The following GRID2 variants were observed in gnomAD, a reference collection of about 807,000 sequenced individuals.
The protein encoded by GRID2 is glutamate receptor ionotropic, delta-2.
GRID2 carries 33 observed loss-of-function variants against 114.8 expected under a neutral mutation model. The ratio of observed to expected loss-of-function variants is 0.29; its 90% CI spans 0.22 to 0.38. The LOEUF (loss-of-function observed/expected upper bound fraction) is 0.38, where lower values mean the gene tolerates loss of function less well. GRID2 is among the 10% of genes least tolerant of loss of function. GRID2 has a pLI of 1.00. For missense variants in GRID2, 1,184 were observed against 1,257.7 expected, an observed-to-expected ratio of 0.94 and a Z score of 0.89; for synonymous variants, 505 against 449.9, an observed-to-expected ratio of 1.12 and a Z score of -1.55.
At chr4:93,365,966 A>G (rs535106143) in intron 8 of GRID2, among the ~76,000 whole-genome samples, 2 of 152,198 alleles carry the variant, frequency 1.3e-5, no homozygotes, top group South Asian at 4.2e-4. Flanking sequence ...CACTTCCCCA[A>G]TCAATACCCT....
chr4:92,343,814 T>TCCA (rs1727632471), intron 1 of GRID2, among the ~76,000 whole-genome samples: 1 of 152,224 alleles, frequency 6.6e-6, no homozygotes, highest in Non-Finnish European at 1.5e-5. Context: ...CCTTGGGTGA[T>TCCA]CCACCAGTCT....
intron 13 of GRID2, among the ~76,000 whole-genome samples, chr4:93,568,666 A>C (rs1415608817): frequency 6.6e-6 from 1 of 152,218 alleles, no homozygotes; most frequent in Non-Finnish European, 1.5e-5. Flanking sequence ...GTCCTTTACA[A>C]GACAGTTTGC....
intron 2 of GRID2, among the ~76,000 whole-genome samples, chr4:93,053,972 C>T (rs993560400): frequency 6.6e-6 from 1 of 151,862 alleles, no homozygotes; most frequent in Non-Finnish European, 1.5e-5. Context: ...TCTTCACTGC[C>T]AGATAATTCC....
chr4:93,715,566 T>C (rs1247163584), intron 14 of GRID2, among the ~76,000 whole-genome samples: 2 of 152,344 alleles, frequency 1.3e-5, no homozygotes, highest in Non-Finnish European at 2.9e-5. Context: ...TCCATAAGCA[T>C]GGAATGTTTT....
chr4:93,369,592 G>T (rs1268552353), intron 8 of GRID2, among the ~76,000 whole-genome samples: 3 of 152,154 alleles, frequency 2.0e-5, no homozygotes, highest in Admixed American at 1.3e-4. Flanking sequence ...AGTTTCAAGC[G>T]ATCTTTCCAC....
chr4:93,194,012 C>G (rs1023174489), intron 4 of GRID2, among the ~76,000 whole-genome samples: 1 of 152,140 alleles, frequency 6.6e-6, no homozygotes, highest in Non-Finnish European at 1.5e-5. Flanking sequence ...AGAATTTTTT[C>G]TCTTTATCTG....
intron 2 of GRID2, among the ~76,000 whole-genome samples, chr4:92,943,984 G>T (rs886929005): frequency 1.3e-5 from 2 of 152,174 alleles, no homozygotes; most frequent in Admixed American, 1.3e-4. Flanking sequence ...TGAGGTATCA[G>T]TCTGCCCCTA....
chr4:92,440,959 A>G (rs924847377), intron 1 of GRID2, among the ~76,000 whole-genome samples: 1 of 151,928 alleles, frequency 6.6e-6, no homozygotes, highest in African/African-American at 2.4e-5. Flanking sequence ...AAGAAAATAG[A>G]TTTTGGAAGT....
At chr4:93,348,836 T>A (rs1342431105) in intron 8 of GRID2, among the ~76,000 whole-genome samples, 4 of 152,270 alleles carry the variant, frequency 2.6e-5, no homozygotes, top group South Asian at 4.1e-4. Context: ...GTAAATATAG[T>A]CTTCTATTCC....
At chr4:93,718,626 A>C (rs548818983) in intron 14 of GRID2, among the ~76,000 whole-genome samples, 1 of 152,348 alleles carries the variant, frequency 6.6e-6, no homozygotes, top group African/African-American at 2.4e-5. Context: ...TACTTATTGA[A>C]CAAATGTTGA....
intron 10 of GRID2, among the ~76,000 whole-genome samples, chr4:93,441,725 G>A (rs1721636997): frequency 6.6e-6 from 1 of 151,810 alleles, no homozygotes; most frequent in African/African-American, 2.4e-5. Flanking sequence ...AGATAACTGC[G>A]GACTTACTCT....
intron 2 of GRID2, among the ~76,000 whole-genome samples, chr4:92,809,989 C>T (rs989332255): frequency 6.6e-6 from 1 of 152,010 alleles, no homozygotes; most frequent in Admixed American, 6.6e-5. Context: ...TATAGTATTT[C>T]ATCTGATAGA....
At chr4:93,536,389 G>T (rs760122484) in intron 13 of GRID2, among the ~76,000 whole-genome samples, 7 of 151,856 alleles carry the variant, frequency 4.6e-5, no homozygotes, top group Non-Finnish European at 1.0e-4. Flanking sequence ...AGGGACCCCA[G>T]AAATAAACCA....
intron 10 of GRID2, among the ~76,000 whole-genome samples, chr4:93,431,318 T>C (rs1769384572): frequency 6.6e-6 from 1 of 152,100 alleles, no homozygotes. Context: ...ATCATGAAAG[T>C]ACATCAGATT....
chr4:93,748,701 A>C (rs1480352139), intron 14 of GRID2, among the ~76,000 whole-genome samples: 5 of 37,184 alleles, frequency 1.3e-4, no homozygotes, highest in Non-Finnish European at 2.5e-4. Context: ...TAGGCTCCCC[A>C]AAAAAATAAT....
chr4:92,926,812 G>C (rs537010493), intron 2 of GRID2, among the ~76,000 whole-genome samples: 2 of 151,944 alleles, frequency 1.3e-5, no homozygotes, highest in South Asian at 4.2e-4. Flanking sequence ...TCATATCATG[G>C]CAGAAGGCAT....
intron 1 of GRID2, among the ~76,000 whole-genome samples, chr4:92,332,923 C>T (rs753098534): frequency 6.6e-6 from 1 of 152,196 alleles, no homozygotes; most frequent in Non-Finnish European, 1.5e-5. Flanking sequence ...CTGTCCTGGG[C>T]TCAGTCCACT....
At chr4:93,553,337 T>C (rs1733968718) in intron 13 of GRID2, among the ~76,000 whole-genome samples, 1 of 152,110 alleles carries the variant, frequency 6.6e-6, no homozygotes, top group African/African-American at 2.4e-5. Context: ...TGGTGAGAGG[T>C]GGTATCTCAT....
At position 92,314,656 on chromosome 4, in the gene GRID2, A is replaced by C. The variant is rs1227240459; in HGVS notation, c.88+9912A>C. 2.6e-5 allele frequency among the ~76,000 whole-genome samples: 4 copies of C among 152,130 alleles called. No homozygotes were observed. In the East Asian group the frequency reaches 7.7e-4, roughly 29 times the overall value. ...GTGGATGCACAAAATTATAGAAAAAAGTTGTATGAAATTATCTTACCTTCT... is the reference window on the plus strand; with the variant it reads ...GTGGATGCACAAAATTATAGAAAAACGTTGTATGAAATTATCTTACCTTCT... On this transcript the variant is annotated intron_variant, in intron 1 of 15. Coordinates refer to ENST00000282020, the MANE Select transcript of GRID2 (RefSeq NM_001510.4).
Sources: allele counts gnomAD v4.1 joint callset (sites outside exome capture counted in the v4.1 genomes callset), GRCh38; gene constraint gnomAD v4.1.1; transcripts MANE v1.5; gene names NCBI Gene and HGNC (gene_info 2026-07-23, HGNC 2026-07-21).